Variants in CDC73 observed in about 807,000 individuals in gnomAD.
CDC73 encodes parafibromin.
A neutral mutation model predicts 83.7 loss-of-function variants in CDC73; 21 were observed. That is an observed-to-expected ratio of 0.25 (90% CI 0.18 to 0.36). The LOEUF (loss-of-function observed/expected upper bound fraction) is 0.36, where lower values mean the gene tolerates loss of function less well. Among genes scored for constraint, CDC73 ranks in the 10% least tolerant of loss-of-function variants. The pLI is 1.00. For missense variants in CDC73, 342 were observed against 653.3 expected (o/e 0.52, Z 5.19); for synonymous variants, 224 against 212.9 (o/e 1.05, Z -0.45).
Position 193,180,149 on chromosome 1 carries a change from T to C in CDC73, c.973-23646T>C, listed in dbSNP as rs188561333. ...TAATGTTATAGTTTTAAGAATTAAC[T>C]TCTTCAGAAATTAAAAAAATACTTC... On this transcript the variant is annotated intron_variant, in intron 10 of 16. Coordinates refer to ENST00000367435, the MANE Select transcript of CDC73 (RefSeq NM_024529.5). The C allele has an allele frequency of 2.8e-5, 20 of 711,972 alleles. No homozygotes were observed. In the East Asian group the frequency reaches 3.4e-4, roughly 12 times the overall value. The allele number at this position is 711,972 out of a possible 1,614,324, so 44.1% of individuals were successfully genotyped here.
chr1:193,161,426 C>A lies in CDC73; in HGVS notation c.972+8982C>A, dbSNP rs1217080173. Among the ~76,000 whole-genome samples the A allele has an allele frequency of 5.3e-5, 8 of 150,290 alleles. No individual in the cohort carries two copies. In the East Asian group the frequency reaches 1.4e-3, roughly 26 times the overall value. On this transcript the variant is annotated intron_variant, in intron 10 of 16. Transcript: ENST00000367435. Reference sequence around the variant, plus strand: ...GTCATACCATAGAACTCAGATAACTCACTGTTGAACTTGTCATATTTTATG... The same window carrying A: ...GTCATACCATAGAACTCAGATAACTAACTGTTGAACTTGTCATATTTTATG...
intron 15 of CDC73, among the ~76,000 whole-genome samples, chr1:193,247,589 A>G (rs946973924): frequency 1.3e-5 from 2 of 152,154 alleles, no homozygotes; most frequent in South Asian, 2.1e-4. Flanking sequence ...AGCTAGGTCT[A>G]TTATGCCAAA....
chr1:193,168,530 C>CT (rs1236988317), intron 10 of CDC73, among the ~76,000 whole-genome samples: 2,886 of 143,628 alleles, frequency 0.02, 45 homozygotes, highest in African/African-American at 0.039. Flanking sequence ...TTAACTCTGC[C>CT]TTTTTTTTTT....
chr1:193,157,296 A>G (rs1444248638), intron 10 of CDC73, among the ~76,000 whole-genome samples: 1 of 152,186 alleles, frequency 6.6e-6, no homozygotes, highest in African/African-American at 2.4e-5. Flanking sequence ...GGATTATTAC[A>G]TTACATTGCA....
chr1:193,135,701 A>C, intron 5 of CDC73, 112 bp downstream of exon 5: 1 of 781,202 alleles, frequency 1.3e-6, no homozygotes, highest in South Asian at 1.6e-5. Context: ...TTTCTGGAAA[A>C]ATTTTTGTGG....
chr1:193,219,861 A>T (rs924816231), intron 13 of CDC73, among the ~76,000 whole-genome samples: 18 of 152,312 alleles, frequency 1.2e-4, no homozygotes, highest in African/African-American at 4.3e-4. Flanking sequence ...ACAAACCTGC[A>T]CGTGTACCTC....
intron 13 of CDC73, among the ~76,000 whole-genome samples, chr1:193,220,518 G>GAGAA (rs1030893935): frequency 6.6e-6 from 1 of 152,148 alleles, no homozygotes; most frequent in Non-Finnish European, 1.5e-5. Context: ...GATTCAAAGT[G>GAGAA]AGAAGCCAAT....
chr1:193,217,386 G>A lies in CDC73; in HGVS notation c.1154+4909G>A, dbSNP rs1414423933. On this transcript the variant is annotated intron_variant, in intron 13 of 16. Transcript: ENST00000367435. ...CTTGTCTTGGTGTACTGGAAGAATC[G>A]GATCACATGTAGGCTTGGAGAATGA... Among the ~76,000 whole-genome samples, 4 of 151,964 alleles carry A rather than the reference G, an allele frequency of 2.6e-5. No homozygotes were observed. In the East Asian group the frequency reaches 5.8e-4, roughly 22 times the overall value.
rs141418915 is a variant in CDC73 at position 193,203,101 on chromosome 1, C to T, written c.973-694C>T. On this transcript the variant is annotated intron_variant, in intron 10 of 16. Coordinates refer to ENST00000367435, the MANE Select transcript of CDC73 (RefSeq NM_024529.5). ...TCACTGTGAATATGATTGAAACTTG[C>T]ACTAAAAACAGACATTTTAAGAATC... 9.6e-3 allele frequency among the ~76,000 whole-genome samples: 1,462 copies of T among 152,108 alleles called. 15 individuals carry two copies. Among genetic ancestry groups the T allele is most frequent in the South Asian group, 0.034 (163 of 4,824 alleles).
chr1:193,125,948 A>G lies in CDC73; in HGVS notation c.237+731A>G, dbSNP rs76241684. ...TTCATGTAAAGTGTGGGTAATGTTT[A>G]TAACAAAGGAAGTTTTAAAGGGATT... On this transcript the variant is annotated intron_variant, in intron 2 of 16. Coordinates refer to ENST00000367435, the MANE Select transcript of CDC73 (RefSeq NM_024529.5). 3.6e-3 allele frequency among the ~76,000 whole-genome samples: 555 copies of G among 152,242 alleles called. 3 individuals are homozygous for G. Among genetic ancestry groups the G allele is most frequent in the Middle Eastern group, 0.01 (3 of 294 alleles).
At chr1:193,222,347 C>T (rs1030136503) in intron 13 of CDC73, among the ~76,000 whole-genome samples, 1 of 152,110 alleles carries the variant, frequency 6.6e-6, no homozygotes, top group African/African-American at 2.4e-5. Context: ...CTACATGAGG[C>T]CTGGGAAAAA....
At chr1:193,168,620 G>A (rs1182955712) in intron 10 of CDC73, among the ~76,000 whole-genome samples, 2 of 151,810 alleles carry the variant, frequency 1.3e-5, no homozygotes, top group East Asian at 3.9e-4. Context: ...CATTTCCCGG[G>A]TTCAAGCAGT....
rs67477778 is a variant in CDC73, at chr1:193,144,112, C to CAAA, written c.729+2064_729+2066dup. Among the ~76,000 whole-genome samples the CAAA allele has an allele frequency of 5.4e-4, 35 of 64,382 alleles. 1 individual carries two copies. The highest frequency in any genetic ancestry group is 1.8e-3 in the African/African-American group (29 of 16,384). The allele number at this position is 64,382 out of a possible 152,430, so 42.2% of individuals were successfully genotyped here. A position where few individuals can be genotyped will look rare whatever the true frequency, so the allele number is the denominator to read the frequency against. ...GTGACAGAGTGAGACTCTGTCTCACCAAAAAAAAAAAAAAAAAAAATTTCA... is the reference window on the plus strand; with the variant it reads ...GTGACAGAGTGAGACTCTGTCTCACCAAAAAAAAAAAAAAAAAAAAAAATTTCA... On this transcript the variant is annotated intron_variant, in intron 7 of 16. Coordinates refer to ENST00000367435, the MANE Select transcript of CDC73 (RefSeq NM_024529.5).
intron 7 of CDC73, among the ~76,000 whole-genome samples, chr1:193,144,840 G>A (rs1675968345): frequency 6.7e-6 from 1 of 149,676 alleles, no homozygotes. Flanking sequence ...TTTAAATGAA[G>A]GAAATAAATT....
At chr1:193,135,839 A>C (rs1275233816) in intron 5 of CDC73, among the ~76,000 whole-genome samples, 1 of 150,984 alleles carries the variant, frequency 6.6e-6, no homozygotes, top group Non-Finnish European at 1.5e-5. Flanking sequence ...CTATTGGCTC[A>C]AGGGTCAGAA....
chr1:193,180,340 G>T (rs1400899953), intron 10 of CDC73: 3 of 1,598,680 alleles, frequency 1.9e-6, no homozygotes, highest in Admixed American at 1.7e-5. Flanking sequence ...TTCTTTTGCT[G>T]CGTTGGCACA....
chr1:193,195,075 A>T (rs1307253082), intron 10 of CDC73, among the ~76,000 whole-genome samples: 1 of 152,134 alleles, frequency 6.6e-6, no homozygotes, highest in African/African-American at 2.4e-5. Context: ...GGAGTCTAAG[A>T]AGTCTCAGGA....
intron 6 of CDC73, among the ~76,000 whole-genome samples, chr1:193,138,563 A>G (rs1420096369): frequency 4.6e-5 from 7 of 152,168 alleles, no homozygotes; most frequent in Non-Finnish European, 8.8e-5. Context: ...GTGTGGGGAA[A>G]GCAGCCATAG....
chr1:193,145,016 T>A (rs1383772777), intron 7 of CDC73, among the ~76,000 whole-genome samples: 1 of 152,202 alleles, frequency 6.6e-6, no homozygotes, highest in Non-Finnish European at 1.5e-5. Flanking sequence ...TTTCTAATTC[T>A]TAAAGTCTTC....
Sources: allele counts gnomAD v4.1 joint callset (sites outside exome capture counted in the v4.1 genomes callset), GRCh38; gene constraint gnomAD v4.1.1; transcripts MANE v1.5; gene names NCBI Gene and HGNC (gene_info 2026-07-23, HGNC 2026-07-21).